The following PLEKHB2 variants were observed in gnomAD, a reference collection of about 807,000 sequenced individuals.
PLEKHB2 encodes the protein pleckstrin homology domain containing B2.
A neutral mutation model predicts 36.5 loss-of-function variants in PLEKHB2; 31 were observed. That is an observed-to-expected ratio of 0.85 (90% CI 0.64 to 1.15). The LOEUF (loss-of-function observed/expected upper bound fraction) is 1.15, where lower values mean the gene tolerates loss of function less well. PLEKHB2 is among the 50% of genes most tolerant of loss of function. The probability of loss-of-function intolerance (pLI) is 0.00; values close to 1 mark genes in which losing one functional copy is unlikely to be tolerated. For missense variants in PLEKHB2, 262 were observed against 295.3 expected, an observed-to-expected ratio of 0.89 and a Z score of 0.83; for synonymous variants, 119 against 112.0, an observed-to-expected ratio of 1.06 and a Z score of -0.39.
chr2:131,132,484 A>G (rs1697811867), intron 5 of PLEKHB2, among the ~76,000 whole-genome samples: 1 of 151,886 alleles, frequency 6.6e-6, no homozygotes, highest in Non-Finnish European at 1.5e-5. Flanking sequence ...TTTTTTGTAG[A>G]GATGAGCTCT....
intron 6 of PLEKHB2, 94 bp from the exon 7 acceptor site, chr2:131,140,071 CTG>C (rs761520920): frequency 7.6e-6 from 5 of 658,156 alleles, no homozygotes; most frequent in African/African-American, 1.8e-5. Context: ...TTTTAATTGA[CTG>C]TTGAATTTTA....
In PLEKHB2 at chr2:131,131,680, C is replaced by T. The variant is rs189336043; in HGVS notation, c.333+920C>T. On this transcript the variant is annotated intron_variant, in intron 5 of 7. Transcript: ENST00000693505. ...AATATCCTAATAGCGTCAGTGTTCT[C>T]TTCCTTTGTTAGCACACAACAACTT... is the stretch of plus-strand genomic sequence containing the variant. 4.0e-5 allele frequency among the ~76,000 whole-genome samples: 6 copies of T among 151,764 alleles called. No individual in the cohort carries two copies. The East Asian group carries it at 1.2e-3, about 29-fold the overall frequency.
In PLEKHB2 at chr2:131,149,558, A is replaced by G. The variant is rs1699533901; in HGVS notation, c.*2785A>G. 1 of 152,240 alleles carries G rather than the reference A, an allele frequency of 6.6e-6. No individual in the cohort carries two copies. 9.4% of individuals were successfully genotyped at this position (152,240 alleles called of 1,614,324 possible). ...CCCATTTTAGGCTATCCAGGACTTA[A>G]GGTAGCCATCTGGATCATAAGAAGG... On this transcript the variant is annotated 3_prime_UTR_variant, in exon 8 of 8. Coordinates refer to ENST00000693505, the MANE Select transcript of PLEKHB2 (RefSeq NM_001100623.2).
In PLEKHB2 at chr2:131,133,013, C is replaced by T. The variant is rs754223106; in HGVS notation, c.423+22C>T. On this transcript the variant is annotated intron_variant, in intron 6 of 7. Transcript: ENST00000693505. ...TGAGGTAGGGAGAACCCTGAGCCTC[C>T]AGGTGAGGGAAGTTTGGGGTCTCTG... 3.8e-6 allele frequency: 6 copies of T among 1,581,054 alleles called. No individual in the cohort carries two copies. Among genetic ancestry groups the T allele is most frequent in the African/African-American group, 1.3e-5 (1 of 74,326 alleles).
intron 1 of PLEKHB2, chr2:131,107,556 G>A (rs1300670354): frequency 3.3e-5 from 5 of 152,342 alleles, no homozygotes; most frequent in South Asian, 2.1e-4. Context: ...CTTTTATAGC[G>A]AAAGAGAGCT....
chr2:131,121,069 TAAC>T, intron 2 of PLEKHB2, 91 bp downstream of exon 2: 1 of 1,313,676 alleles, frequency 7.6e-7, no homozygotes, highest in Non-Finnish European at 1.1e-6. Flanking sequence ...TAAAAGCAAA[TAAC>T]AAAGTTTTAT....
At chr2:131,109,596 A>G (rs955317190) in intron 1 of PLEKHB2, among the ~76,000 whole-genome samples, 3 of 152,150 alleles carry the variant, frequency 2.0e-5, no homozygotes, top group African/African-American at 7.2e-5. Context: ...AGGCTGAGGC[A>G]GGAGAATCGC....
At chr2:131,106,842 G>A (rs539067635) in intron 1 of PLEKHB2, among the ~76,000 whole-genome samples, 23 of 152,206 alleles carry the variant, frequency 1.5e-4, no homozygotes, top group Non-Finnish European at 2.6e-4. Context: ...TTTGTAGGTG[G>A]TCAGTAAATG....
rs868659099 is a variant in PLEKHB2 at position 131,137,082 on chromosome 2, G to T, written c.424-3085G>T. Among the ~76,000 whole-genome samples, 36 of 151,548 alleles carry T rather than the reference G, an allele frequency of 2.4e-4. 2 individuals are homozygous for T. Among genetic ancestry groups the T allele is most frequent in the African/African-American group, 8.3e-4 (34 of 40,974 alleles). On this transcript the variant is annotated intron_variant, in intron 6 of 7. Transcript: ENST00000693505. ...CTGCCTCAGCCTCCTGAGTAGCGGG[G>T]ACTACAGGCGCCTGCCACCACACCC...
Position 131,147,746 on chromosome 2 carries a change from C to T in PLEKHB2, c.*973C>T, listed in dbSNP as rs1350144113. On this transcript the variant is annotated 3_prime_UTR_variant, in exon 8 of 8. Transcript: ENST00000693505. ...CCAGGAGGCGGAGCTTGCAGTGAGC[C>T]AAGATAGTGCCACTGCACTTCAGCC... 2 of 146,360 alleles carry T rather than the reference C, an allele frequency of 1.4e-5. No individual in the cohort carries two copies. The highest frequency in any genetic ancestry group is 3.0e-5 in the Non-Finnish European group (2 of 67,604). 9.1% of individuals were successfully genotyped at this position (146,360 alleles called of 1,614,324 possible).
chr2:131,107,606 C>T (rs1180282165), intron 1 of PLEKHB2: 1 of 152,214 alleles, frequency 6.6e-6, no homozygotes, highest in South Asian at 2.1e-4. Context: ...GACAGTTAAA[C>T]CTGAATTCTA....
intron 6 of PLEKHB2, among the ~76,000 whole-genome samples, chr2:131,133,440 G>A (rs1331048062): frequency 3.3e-5 from 5 of 152,210 alleles, no homozygotes; most frequent in Non-Finnish European, 7.3e-5. Flanking sequence ...TGTGGAACAC[G>A]CAGCTTTTAA....
At position 131,123,846 on chromosome 2, in the gene PLEKHB2, C is replaced by CTT. The variant is rs760246492; in HGVS notation, c.38-1894_38-1893dup. On this transcript the variant is annotated intron_variant, in intron 2 of 7. Transcript: ENST00000693505. ...TACAGGCATGAGCCACTGTGCCTGGCTTTTTTTTTTTTTTCTTTTTAAGAC... is the reference window on the plus strand; with the variant it reads ...TACAGGCATGAGCCACTGTGCCTGGCTTTTTTTTTTTTTTTTCTTTTTAAGAC... Among the ~76,000 whole-genome samples, 232 of 115,116 alleles carry CTT rather than the reference C, an allele frequency of 2.0e-3. 1 individual carries two copies. Among genetic ancestry groups the CTT allele is most frequent in the African/African-American group, 6.6e-3 (199 of 30,206 alleles). 75.5% of individuals were successfully genotyped at this position (115,116 alleles called of 152,430 possible). A position where few individuals can be genotyped will look rare whatever the true frequency, so the allele number is the denominator to read the frequency against.
chr2:131,140,325 G>C, intron 7 of PLEKHB2, 50 bp downstream of exon 7: 1 of 922,238 alleles, frequency 1.1e-6, no homozygotes, highest in South Asian at 1.4e-5. Flanking sequence ...TTGCTGAGTA[G>C]ACCAGAGAGA....
intron 5 of PLEKHB2, among the ~76,000 whole-genome samples, chr2:131,132,636 G>C (rs1247391958): frequency 2.0e-5 from 3 of 152,078 alleles, no homozygotes; most frequent in Non-Finnish European, 4.4e-5. Flanking sequence ...GGGTAACAGT[G>C]GGGCCTCTGA....
chr2:131,110,531 A>C (rs868115877), intron 1 of PLEKHB2, among the ~76,000 whole-genome samples: 1 of 151,968 alleles, frequency 6.6e-6, no homozygotes, highest in Non-Finnish European at 1.5e-5. Context: ...GTGCACCACT[A>C]TGTGCAGCTA....
intron 4 of PLEKHB2, among the ~76,000 whole-genome samples, chr2:131,128,210 G>C (rs1283392280): frequency 6.6e-6 from 1 of 152,194 alleles, no homozygotes; most frequent in Non-Finnish European, 1.5e-5. Context: ...GATTAGGTAG[G>C]AAGCGTGTCA....
At chr2:131,124,744 G>A (rs538121057) in intron 2 of PLEKHB2, among the ~76,000 whole-genome samples, 18 of 151,868 alleles carry the variant, frequency 1.2e-4, no homozygotes, top group African/African-American at 3.9e-4. Flanking sequence ...GTAGGAAAGA[G>A]TATCTGTGAA....
Position 131,125,733 on chromosome 2 carries a change from G to T in PLEKHB2, c.38-20G>T. 3 of 1,571,744 alleles carry T rather than the reference G, an allele frequency of 1.9e-6. No homozygotes were observed. The highest frequency in any genetic ancestry group is 2.2e-5 in the East Asian group (1 of 44,462). On this transcript the variant is annotated intron_variant, in intron 2 of 7. Transcript: ENST00000693505. ...TGTCTCTAAAAAAAAAAAAACAACC[G>T]TACTATTTTTTTTTTCCAGGTACTA...
Sources: allele counts gnomAD v4.1 joint callset (sites outside exome capture counted in the v4.1 genomes callset), GRCh38; gene constraint gnomAD v4.1.1; transcripts MANE v1.5; gene names NCBI Gene and HGNC (gene_info 2026-07-23, HGNC 2026-07-21).